Variants in GNG2 observed in about 807,000 individuals in gnomAD.
The protein encoded by GNG2 is guanine nucleotide-binding protein G(I)/G(S)/G(O) subunit gamma-2.
GNG2 carries 5 observed loss-of-function variants against 5.5 expected under a neutral mutation model. That is an observed-to-expected ratio of 0.91 (90% confidence interval 0.48 to 1.92). The LOEUF is 1.92. Ranked by LOEUF, GNG2 falls within the 30% of genes most tolerant of loss-of-function variation. The pLI is 0.01. For missense variants in GNG2, 55 were observed against 88.4 expected (o/e 0.62, Z 1.52); for synonymous variants, 28 against 32.0 (o/e 0.88, Z 0.42).
At chr14:51,849,568 C>T (rs1270462846) in intron 2 of GNG2, among the ~76,000 whole-genome samples, 1 of 152,216 alleles carries the variant, frequency 6.6e-6, no homozygotes, top group South Asian at 2.1e-4. Flanking sequence ...ATTTAAAATA[C>T]TGGGTACATT....
chr14:51,918,506 C>G (rs375555440), intron 2 of GNG2: 1 of 152,044 alleles, frequency 6.6e-6, no homozygotes, highest in Non-Finnish European at 1.5e-5. Context: ...AATAAAAGAA[C>G]AGTTGTACAT....
At chr14:51,913,567 G>A (rs936772706) in intron 2 of GNG2, among the ~76,000 whole-genome samples, 16 of 152,104 alleles carry the variant, frequency 1.1e-4, no homozygotes, top group Non-Finnish European at 1.3e-4. Flanking sequence ...GGTGCCATGG[G>A]ATCATAGGAT....
intron 1 of GNG2, among the ~76,000 whole-genome samples, chr14:51,876,713 T>G (rs1218804712): frequency 6.6e-6 from 1 of 152,000 alleles, no homozygotes; most frequent in Non-Finnish European, 1.5e-5. Context: ...GGGAATATAA[T>G]TGGTTGGGTT....
chr14:51,904,424 C>A (rs1445394130), intron 2 of GNG2, among the ~76,000 whole-genome samples: 1 of 152,152 alleles, frequency 6.6e-6, no homozygotes. Context: ...AGTGCCTTAC[C>A]ATCTTGCATA....
intron 2 of GNG2, among the ~76,000 whole-genome samples, chr14:51,898,137 T>C (rs1885322814): frequency 6.6e-6 from 1 of 152,226 alleles, no homozygotes; most frequent in African/African-American, 2.4e-5. Context: ...TTTACAGATC[T>C]CATTTTCTAA....
chr14:51,949,470 A>G (rs1183246127), intron 2 of GNG2, among the ~76,000 whole-genome samples: 2 of 152,176 alleles, frequency 1.3e-5, no homozygotes, highest in Admixed American at 6.5e-5. Flanking sequence ...TCTTTTTAAG[A>G]TAAGTAACCT....
At chr14:51,875,155 G>C (rs1883573583) in intron 1 of GNG2, among the ~76,000 whole-genome samples, 2 of 152,198 alleles carry the variant, frequency 1.3e-5, no homozygotes, top group Non-Finnish European at 2.9e-5. Flanking sequence ...GATGGCCCAG[G>C]ACTGGTAAGG....
chr14:51,925,644 C>G (rs1316135115), intron 2 of GNG2, among the ~76,000 whole-genome samples: 1 of 152,200 alleles, frequency 6.6e-6, no homozygotes, highest in Non-Finnish European at 1.5e-5. Context: ...CAGGGTCTCA[C>G]TCTATCACCC....
rs926109358 is a variant in GNG2 at position 51,968,878 on chromosome 14, T to C, written c.*2191T>C. ...ATTTCCTTTTCTCAGAAGGACTCTT[T>C]ATATTTCCATGTAAATCTAGATCTT... On this transcript the variant is annotated 3_prime_UTR_variant, in exon 4 of 4. Coordinates refer to ENST00000556766, the MANE Select transcript of GNG2 (RefSeq NM_053064.5). The C allele has an allele frequency of 6.6e-5, 10 of 152,250 alleles. No individual in the cohort carries two copies. The highest frequency in any genetic ancestry group is 2.4e-4 in the African/African-American group (10 of 41,472). The allele number at this position is 152,250 out of a possible 1,614,324, so 9.4% of individuals were successfully genotyped here.
At chr14:51,827,647 G>A (rs963942352) in intron 1 of GNG2, 8 of 696,838 alleles carry the variant, frequency 1.1e-5, no homozygotes, top group South Asian at 4.5e-5. Context: ...GTTCATCCAC[G>A]TATATGTTTA....
chr14:51,952,044 A>G (rs1280299706), intron 3 of GNG2: 3 of 614,504 alleles, frequency 4.9e-6, no homozygotes, highest in African/African-American at 1.9e-5. Flanking sequence ...TATTTTTTAA[A>G]AAGAATTTTT....
At position 51,969,067 on chromosome 14, in the gene GNG2, G is replaced by T. The variant is rs952634064; in HGVS notation, c.*2380G>T. 6.6e-6 allele frequency: 1 copy of T among 152,030 alleles called. No homozygotes were observed. Among genetic ancestry groups the T allele is most frequent in the Non-Finnish European group, 1.5e-5 (1 of 67,996 alleles). The allele number at this position is 152,030 out of a possible 1,614,324, so 9.4% of individuals were successfully genotyped here. On this transcript the variant is annotated 3_prime_UTR_variant, in exon 4 of 4. Coordinates refer to ENST00000556766, the MANE Select transcript of GNG2 (RefSeq NM_053064.5). ...ACTTATTCAGGGGAAAAAGTCTTTC[G>T]ATTACTTATGCCTCTATAGAGCTTA...
rs1250866144 is a variant in GNG2, at chr14:51,968,482, A to G, written c.*1795A>G. The G allele has an allele frequency of 6.6e-6, 1 of 152,200 alleles. No individual in the cohort carries two copies. The highest frequency in any genetic ancestry group is 1.5e-5 in the Non-Finnish European group (1 of 68,044). 9.4% of individuals were successfully genotyped at this position (152,200 alleles called of 1,614,324 possible). On this transcript the variant is annotated 3_prime_UTR_variant, in exon 4 of 4. Coordinates refer to ENST00000556766, the MANE Select transcript of GNG2 (RefSeq NM_053064.5). ...TTCATGGGCATGCTGGTGAAAGAAT[A>G]AATACATCCAATTAAAGCTCATGCT...
chr14:51,877,625 G>A lies in GNG2; in HGVS notation c.-62G>A, dbSNP rs1883762084. On this transcript the variant is annotated 5_prime_UTR_variant, in exon 2 of 4. Transcript: ENST00000556766. ...CTCTGCTTTCTCAACAGCCAGATCT[G>A]CCAGTGAGCCTCAGGCTTTAGGAAC... The A allele has an allele frequency of 2.2e-6, 1 of 455,662 alleles. No individual in the cohort carries two copies. The highest frequency in any genetic ancestry group is 6.9e-5 in the East Asian group (1 of 14,390). The allele number at this position is 455,662 out of a possible 1,614,324, so 28.2% of individuals were successfully genotyped here.
chr14:51,942,571 C>CTTTTTCTTTCTTTCTT (rs142157409), intron 2 of GNG2, among the ~76,000 whole-genome samples: 1,335 of 55,456 alleles, frequency 0.024, 163 homozygotes, highest in Non-Finnish European at 0.024. Flanking sequence ...TTTATTTTTT[C>CTTTTTCTTTCTTTCTT]TCTTTCTTTC....
At chr14:51,851,065 A>AT (rs1174254676) in intron 2 of GNG2, among the ~76,000 whole-genome samples, 1 of 152,206 alleles carries the variant, frequency 6.6e-6, no homozygotes, top group African/African-American at 2.4e-5. Context: ...ATCCCAGTTA[A>AT]TTGATTATAA....
intron 2 of GNG2, among the ~76,000 whole-genome samples, chr14:51,935,267 C>T (rs1887920898): frequency 6.6e-6 from 1 of 151,952 alleles, no homozygotes; most frequent in African/African-American, 2.4e-5. Context: ...CCTCCTGATC[C>T]GGCCGCCTCG....
intron 2 of GNG2, among the ~76,000 whole-genome samples, chr14:51,897,745 G>T (rs552735185): frequency 6.6e-6 from 1 of 152,220 alleles, no homozygotes; most frequent in Admixed American, 6.5e-5. Flanking sequence ...GTGAACTTAC[G>T]TGATGGCCAA....
chr14:51,847,891 T>C (rs968108747), intron 2 of GNG2, among the ~76,000 whole-genome samples: 2 of 146,688 alleles, frequency 1.4e-5, no homozygotes, highest in African/African-American at 5.0e-5. Flanking sequence ...CTTTTTTTTT[T>C]TTTTTTTTTT....
Sources: allele counts gnomAD v4.1 joint callset (sites outside exome capture counted in the v4.1 genomes callset), GRCh38; gene constraint gnomAD v4.1.1; transcripts MANE v1.5; gene names NCBI Gene and HGNC (gene_info 2026-07-23, HGNC 2026-07-21).